SASH3: variants seen among roughly 807,000 people sequenced by gnomAD.
The protein encoded by SASH3 is SAM and SH3 domain containing 3.
Under a neutral mutation model 26.1 loss-of-function variants are expected in SASH3, and 7 were observed. That is an observed-to-expected ratio of 0.27 (90% CI 0.15 to 0.50). The LOEUF (loss-of-function observed/expected upper bound fraction) is 0.50. SASH3 is among the 20% of genes least tolerant of loss of function. The probability of loss-of-function intolerance (pLI) is 0.98; values close to 1 mark genes in which losing one functional copy is unlikely to be tolerated. For missense variants in SASH3, 231 were observed against 318.3 expected (o/e 0.73, Z 2.09); for synonymous variants, 138 against 136.8 (o/e 1.01, Z -0.06).
rs1556001552 is a variant in SASH3, at chrX:129,789,109, A to AAG, written c.300+533_300+534insGA. 7.1e-3 allele frequency among the ~76,000 whole-genome samples: 281 copies of AAG among 39,382 alleles called. 6 individuals are homozygous for AAG. The highest frequency in any genetic ancestry group is 0.037 in the African/African-American group (257 of 7,026). 34.2% of individuals were successfully genotyped at this position (39,382 alleles called of 115,157 possible). A position where few individuals can be genotyped will look rare whatever the true frequency, so the allele number is the denominator to read the frequency against. On this transcript the variant is annotated intron_variant, in intron 3 of 7. Transcript: ENST00000356892. ...AGAGCAAGACTCTGTCTCAAAAAAAAAAAGAAAGAAAGAAAGAAAGAAAGA... is the reference window on the plus strand; with the variant it reads ...AGAGCAAGACTCTGTCTCAAAAAAAAAGAAAGAAAGAAAGAAAGAAAGAAAGA...
intron 1 of SASH3, among the ~76,000 whole-genome samples, chrX:129,786,123 T>G (rs1485190531): frequency 9.1e-6 from 1 of 109,745 alleles, no homozygotes; most frequent in African/African-American, 3.3e-5. Context: ...CCTTTTCAGC[T>G]CCCCAGGGCA....
At position 129,788,562 on chromosome X, in the gene SASH3, C is replaced by T; in HGVS notation, c.285C>T (p.Ala95=). Reference sequence around the variant, plus strand: ...AGATGGGCAAGATGATGGTGAAGGCCCTGTCAGAAGAGATGGTGAGGCCTG... The same window carrying T: ...AGATGGGCAAGATGATGGTGAAGGCTCTGTCAGAAGAGATGGTGAGGCCTG... The part of the protein sequence containing the change: ...NRKMGKMMVK[A]LSEEMADTLE... Residue 95 remains alanine (A), a synonymous_variant, in exon 3 of 8, where the codon GCC becomes GCT. Coordinates refer to ENST00000356892, the MANE Select transcript of SASH3 (RefSeq NM_018990.4). 8.3e-7 allele frequency: 1 copy of T among 1,211,477 alleles called. No individual in the cohort carries two copies.
chrX:129,788,457 C>T lies in SASH3; in HGVS notation c.180C>T (p.Pro60=), dbSNP rs1386223669. Residue 60 remains proline, a synonymous_variant, in exon 3 of 8, where the codon CCC becomes CCT. Transcript: ENST00000356892. ...TTCCAGAAGATGACTCAGGTGTCCCCACCCCAGAAGATGCTGGGAAGAGTG... is the reference window on the plus strand; with the variant it reads ...TTCCAGAAGATGACTCAGGTGTCCCTACCCCAGAAGATGCTGGGAAGAGTG... ...DNIPEDDSGV[P]TPEDAGKSGK... 3 of 1,211,521 alleles carry T rather than the reference C, an allele frequency of 2.5e-6. No individual in the cohort carries two copies. The highest frequency in any genetic ancestry group is 4.3e-5 in the Admixed American group (2 of 46,040).
In SASH3 at chrX:129,795,034, T is replaced by G. The variant is rs1232611148; in HGVS notation, c.*1202T>G. The G allele has an allele frequency of 1.8e-5, 2 of 111,457 alleles. No individual in the cohort carries two copies. The highest frequency in any genetic ancestry group is 3.8e-4 in the South Asian group (1 of 2,638). The allele number at this position is 111,457 out of a possible 1,213,427, so 9.2% of individuals were successfully genotyped here. ...AGCCCTTCCTGGTGCCCAACTGGCC[T>G]GGGGACAAACAGCGTCCACTACATC... On this transcript the variant is annotated 3_prime_UTR_variant, in exon 8 of 8. Coordinates refer to ENST00000356892, the MANE Select transcript of SASH3 (RefSeq NM_018990.4).
At chrX:129,784,841 G>A (rs1324261835) in intron 1 of SASH3, among the ~76,000 whole-genome samples, 1 of 110,166 alleles carries the variant, frequency 9.1e-6, no homozygotes, top group Non-Finnish European at 1.9e-5. Context: ...GTTCTGCCAG[G>A]CTTTGAACTA....
At chrX:129,790,286 G>A (rs193021316) in intron 3 of SASH3, among the ~76,000 whole-genome samples, 1,442 of 110,378 alleles carry the variant, frequency 0.013, 23 homozygotes, top group African/African-American at 0.045. Context: ...GACATTGGCC[G>A]TGGAGGGGAG....
At chrX:129,789,169 A>AAGAAAGAAAGAGAG (rs112301444) in intron 3 of SASH3, among the ~76,000 whole-genome samples, 2 of 36,413 alleles carry the variant, frequency 5.5e-5, no homozygotes, top group African/African-American at 1.1e-4. Flanking sequence ...AAGAAAGAGA[A>AAGAAAGAAAGAGAG]AAAAAAAAAA....
At chrX:129,781,985 C>T (rs1397838502) in intron 1 of SASH3, among the ~76,000 whole-genome samples, 1 of 112,661 alleles carries the variant, frequency 8.9e-6, no homozygotes, top group African/African-American at 3.2e-5. Flanking sequence ...GTCCCTTCTT[C>T]TCAGAGGCTG....
At chrX:129,791,164 C>A (rs2231130) in intron 4 of SASH3, 83 bp downstream of exon 4, 1 of 1,023,877 alleles carries the variant, frequency 9.8e-7, no homozygotes, top group South Asian at 2.2e-5. Flanking sequence ...ACTGTCTGGG[C>A]GGGGGGTAAG....
At chrX:129,781,106 G>A (rs1388352684) in intron 1 of SASH3, among the ~76,000 whole-genome samples, 1 of 112,434 alleles carries the variant, frequency 8.9e-6, no homozygotes, top group African/African-American at 3.2e-5. Flanking sequence ...CATCCAATGG[G>A]ATGCTAGGAC....
intron 1 of SASH3, among the ~76,000 whole-genome samples, chrX:129,783,809 C>A (rs1437232613): frequency 1.3e-4 from 15 of 111,204 alleles, no homozygotes; most frequent in Non-Finnish European, 1.9e-4. Flanking sequence ...CTGGGGAAAG[C>A]CAAGTTTGCT....
intron 3 of SASH3, among the ~76,000 whole-genome samples, chrX:129,789,142 A>AAAGAAAGAAAGAAAGG (rs1927174023): frequency 3.0e-5 from 2 of 67,299 alleles, no homozygotes; most frequent in Non-Finnish European, 4.8e-5. Flanking sequence ...AGAAAGAAAG[A>AAAGAAAGAAAGAAAGG]AAGAAAGAAA....
chrX:129,782,497 G>A (rs1390552331), intron 1 of SASH3, among the ~76,000 whole-genome samples: 1 of 112,183 alleles, frequency 8.9e-6, no homozygotes. Flanking sequence ...GGTGAGGTAG[G>A]GGCAGATATT....
At position 129,788,587 on chromosome X, in the gene SASH3, G is replaced by A. The variant is rs372399973; in HGVS notation, c.300+10G>A. Reference sequence around the variant, plus strand: ...CCTGTCAGAAGAGATGGTGAGGCCTGCAGATATAGGGGATGGGGTGTCCAG... The same window carrying A: ...CCTGTCAGAAGAGATGGTGAGGCCTACAGATATAGGGGATGGGGTGTCCAG... On this transcript the variant is annotated intron_variant, in intron 3 of 7. Transcript: ENST00000356892. The A allele has an allele frequency of 4.1e-6, 5 of 1,207,548 alleles. No homozygotes were observed. The African/African-American group carries it at 7.0e-5, about 17-fold the overall frequency.
At position 129,795,007 on chromosome X, in the gene SASH3, G is replaced by A. The variant is rs770398745; in HGVS notation, c.*1175G>A. 1.8e-5 allele frequency: 2 copies of A among 111,519 alleles called. No individual in the cohort carries two copies. Among genetic ancestry groups the A allele is most frequent in the Admixed American group, 1.9e-4 (2 of 10,463 alleles). 9.2% of individuals were successfully genotyped at this position (111,519 alleles called of 1,213,427 possible). A position where few individuals can be genotyped will look rare whatever the true frequency, so the allele number is the denominator to read the frequency against. ...GAAGTCTATGCCCTGAATCCCCAGA[G>A]TAGCCCTTCCTGGTGCCCAACTGGC... On this transcript the variant is annotated 3_prime_UTR_variant, in exon 8 of 8. Transcript: ENST00000356892.
In SASH3 at chrX:129,795,189, G is replaced by C. The variant is rs752336390; in HGVS notation, c.*1357G>C. The C allele has an allele frequency of 6.2e-5, 7 of 112,057 alleles. No homozygotes were observed. Among genetic ancestry groups the C allele is most frequent in the Non-Finnish European group, 1.3e-4 (7 of 53,055 alleles). The allele number at this position is 112,057 out of a possible 1,213,427, so 9.2% of individuals were successfully genotyped here. ...GAGACCAGCTGGTAGCAATAAACAT[G>C]GGTAGAACTAAATTACCGTCTCCAG... On this transcript the variant is annotated 3_prime_UTR_variant, in exon 8 of 8. Coordinates refer to ENST00000356892, the MANE Select transcript of SASH3 (RefSeq NM_018990.4).
intron 7 of SASH3, among the ~76,000 whole-genome samples, 155 bp downstream of exon 7, chrX:129,793,294 A>G (rs769628146): frequency 3.6e-5 from 4 of 112,186 alleles, no homozygotes; most frequent in African/African-American, 1.3e-4. Context: ...TTTCAGGGAA[A>G]GTGTACGGGA....
At chrX:129,791,361 C>A (rs1428302491) in intron 4 of SASH3, among the ~76,000 whole-genome samples, 1 of 112,088 alleles carries the variant, frequency 8.9e-6, no homozygotes, top group African/African-American at 3.2e-5. Context: ...CGTAGAGGAA[C>A]TTCCACTTGC....
chrX:129,788,175 C>T lies in SASH3; in HGVS notation c.153+105C>T, dbSNP rs763353098. ...AGGAGATAGAATTGTTGGGGCGAAG[C>T]CCCCTTTAACACAGAGGGTCCACCT... On this transcript the variant is annotated intron_variant, in intron 2 of 7. Coordinates refer to ENST00000356892, the MANE Select transcript of SASH3 (RefSeq NM_018990.4). 3.3e-5 allele frequency: 22 copies of T among 661,749 alleles called. No individual in the cohort carries two copies. In the East Asian group the frequency reaches 6.0e-4, roughly 18 times the overall value. 54.5% of individuals were successfully genotyped at this position (661,749 alleles called of 1,213,427 possible).
Sources: allele counts gnomAD v4.1 joint callset (sites outside exome capture counted in the v4.1 genomes callset), GRCh38; gene constraint gnomAD v4.1.1; transcripts MANE v1.5; gene names NCBI Gene and HGNC (gene_info 2026-07-23, HGNC 2026-07-21).